The following RBMS3 variants were observed in gnomAD, a reference collection of about 807,000 sequenced individuals.
RBMS3 encodes RNA binding motif single stranded interacting protein 3.
A neutral mutation model predicts 66.8 loss-of-function variants in RBMS3; 27 were observed. That is an observed-to-expected ratio of 0.40 (90% CI 0.30 to 0.56). RBMS3 has a LOEUF of 0.56. RBMS3 is among the 20% of genes least tolerant of loss of function. The pLI is 0.40. For synonymous variants in RBMS3, 188 were observed against 183.0 expected, an observed-to-expected ratio of 1.03 and a Z score of -0.22; for missense variants, 513 against 549.5, an observed-to-expected ratio of 0.93 and a Z score of 0.66.
At chr3:29,882,000 A>C (rs2059747626) in intron 7 of RBMS3, among the ~76,000 whole-genome samples, 1 of 152,172 alleles carries the variant, frequency 6.6e-6, no homozygotes, top group South Asian at 2.1e-4. Context: ...TAAATCTCTC[A>C]TGCACTAATA....
chr3:29,400,549 A>C (rs766653438), intron 1 of RBMS3, among the ~76,000 whole-genome samples: 10 of 152,110 alleles, frequency 6.6e-5, no homozygotes, highest in Non-Finnish European at 1.3e-4. Context: ...TGAATTATTC[A>C]TGTATTAATG....
chr3:29,885,332 A>G (rs969584050), intron 8 of RBMS3, among the ~76,000 whole-genome samples: 10 of 151,954 alleles, frequency 6.6e-5, no homozygotes, highest in African/African-American at 2.2e-4. Context: ...ATATCTTTTC[A>G]TATATCCAAT....
intron 6 of RBMS3, among the ~76,000 whole-genome samples, chr3:29,785,709 G>A (rs560554487): frequency 2.6e-4 from 39 of 151,970 alleles, no homozygotes; most frequent in Non-Finnish European, 5.2e-4. Context: ...AATAAAAGCC[G>A]TCTATGACAA....
At chr3:29,360,408 G>A (rs1021465447) in intron 1 of RBMS3, among the ~76,000 whole-genome samples, 5 of 152,036 alleles carry the variant, frequency 3.3e-5, no homozygotes, top group Non-Finnish European at 7.3e-5. Flanking sequence ...TGTGGTCTGA[G>A]AGACAGTTTG....
In RBMS3 at chr3:29,829,644, A is replaced by C. The variant is rs954634821; in HGVS notation, c.638-39214A>C. On this transcript the variant is annotated intron_variant, in intron 6 of 14. Coordinates refer to ENST00000383767, the MANE Select transcript of RBMS3 (RefSeq NM_001003793.3). ...ACTGTTTTACCCAACCATTGAGCATATACTTTTTAAAATATTTATATTCTG... is the reference window on the plus strand; with the variant it reads ...ACTGTTTTACCCAACCATTGAGCATCTACTTTTTAAAATATTTATATTCTG... Among the ~76,000 whole-genome samples, 12 of 152,298 alleles carry C rather than the reference A, an allele frequency of 7.9e-5. No homozygotes were observed. The East Asian group carries it at 1.4e-3, about 17-fold the overall frequency.
At chr3:29,669,275 A>G (rs2050895218) in intron 4 of RBMS3, among the ~76,000 whole-genome samples, 1 of 152,178 alleles carries the variant, frequency 6.6e-6, no homozygotes, top group Non-Finnish European at 1.5e-5. Context: ...CACTCCCTCA[A>G]TAAATCACAT....
chr3:29,530,134 A>G (rs923166161), intron 3 of RBMS3, among the ~76,000 whole-genome samples: 51 of 152,050 alleles, frequency 3.4e-4, no homozygotes, highest in African/African-American at 1.2e-3. Context: ...TTACCCCAAT[A>G]CTCATCTAAG....
chr3:29,445,612 G>A (rs180912840), intron 2 of RBMS3, among the ~76,000 whole-genome samples: 74 of 151,948 alleles, frequency 4.9e-4, no homozygotes, highest in African/African-American at 1.7e-3. Flanking sequence ...AGAAACTGTT[G>A]GTGAAAAAAC....
At chr3:29,469,021 C>T (rs1012727766) in intron 2 of RBMS3, among the ~76,000 whole-genome samples, 2 of 152,030 alleles carry the variant, frequency 1.3e-5, no homozygotes, top group African/African-American at 4.8e-5. Context: ...AACATTTGTT[C>T]TTTCTAAAAA....
intron 1 of RBMS3, among the ~76,000 whole-genome samples, chr3:29,425,214 A>T (rs866451397): frequency 1.0e-5 from 1 of 98,760 alleles, no homozygotes; most frequent in Non-Finnish European, 2.2e-5. Flanking sequence ...CCCCAAAAAA[A>T]ACAAAAAAAA....
At chr3:29,661,657 A>G (rs1337882917) in intron 4 of RBMS3, among the ~76,000 whole-genome samples, 2 of 151,598 alleles carry the variant, frequency 1.3e-5, no homozygotes, top group Non-Finnish European at 3.0e-5. Flanking sequence ...TCCACTGGTC[A>G]TTTCTCTTTT....
At chr3:29,697,220 A>G (rs2052321165) in intron 4 of RBMS3, 1 of 674,546 alleles carries the variant, frequency 1.5e-6, no homozygotes, top group African/African-American at 2.0e-5. Context: ...ATTGGTTTAT[A>G]TTAAAATTTG....
chr3:29,598,303 T>C (rs776057567), intron 4 of RBMS3, among the ~76,000 whole-genome samples: 6 of 152,056 alleles, frequency 3.9e-5, no homozygotes, highest in Admixed American at 6.6e-5. Context: ...GTACCCAGCT[T>C]CTGGCTTTAT....
chr3:29,587,093 G>T, intron 3 of RBMS3, 21 bp from the exon 4 acceptor site: 1 of 1,578,804 alleles, frequency 6.3e-7, no homozygotes, highest in Non-Finnish European at 8.6e-7. Flanking sequence ...ATATTAACAA[G>T]GGGATTTTGT....
At position 29,519,000 on chromosome 3, in the gene RBMS3, C is replaced by T. The variant is rs571782787; in HGVS notation, c.307+30501C>T. 7.9e-5 allele frequency among the ~76,000 whole-genome samples: 12 copies of T among 152,232 alleles called. No homozygotes were observed. The East Asian group carries it at 1.2e-3, about 15-fold the overall frequency. ...GAACCATTTGAAGGAAAGTAGAATACGCAGAGAGCAAATTCTGCGCTTTGA... is the reference window on the plus strand; with the variant it reads ...GAACCATTTGAAGGAAAGTAGAATATGCAGAGAGCAAATTCTGCGCTTTGA... On this transcript the variant is annotated intron_variant, in intron 3 of 14. Coordinates refer to ENST00000383767, the MANE Select transcript of RBMS3 (RefSeq NM_001003793.3).
At chr3:29,361,549 T>G (rs1184790372) in intron 1 of RBMS3, among the ~76,000 whole-genome samples, 1 of 152,114 alleles carries the variant, frequency 6.6e-6, no homozygotes, top group African/African-American at 2.4e-5. Flanking sequence ...TCTTGAGGAG[T>G]ATCTTTGTGG....
Position 29,434,810 on chromosome 3 carries a change from A to G in RBMS3, c.143A>G (p.Asn48Ser). Residue 48 changes from asparagine to serine, a missense_variant, in exon 2 of 15, where the codon AAC becomes AGC. Asn to Ser is a conservative substitution (Grantham distance 46). Coordinates refer to ENST00000383767, the MANE Select transcript of RBMS3 (RefSeq NM_001003793.3). ...CCCAGCACAAACAGCAGCAGCAACAACAGCAGCAACAACAGCAGCGGGGAA... is the reference window on the plus strand; with the variant it reads ...CCCAGCACAAACAGCAGCAGCAACAGCAGCAGCAACAACAGCAGCGGGGAA... ...PSPSTNSSSN[N>S]SSNNSSGEQL... 3 of 1,613,908 alleles carry G rather than the reference A, an allele frequency of 1.9e-6. No individual in the cohort carries two copies. The highest frequency in any genetic ancestry group is 1.3e-5 in the African/African-American group (1 of 75,032).
intron 3 of RBMS3, among the ~76,000 whole-genome samples, chr3:29,520,290 G>A (rs1308291585): frequency 1.3e-5 from 2 of 152,150 alleles, no homozygotes; most frequent in African/African-American, 4.8e-5. Flanking sequence ...TTGATTGCAT[G>A]TCAAAATAAT....
At chr3:29,593,419 C>T (rs1024708915) in intron 4 of RBMS3, among the ~76,000 whole-genome samples, 10 of 152,148 alleles carry the variant, frequency 6.6e-5, no homozygotes, top group Admixed American at 2.6e-4. Context: ...TCCTGGTAAA[C>T]ATAGAGGCTT....
Sources: allele counts gnomAD v4.1 joint callset (sites outside exome capture counted in the v4.1 genomes callset), GRCh38; gene constraint gnomAD v4.1.1; transcripts MANE v1.5; gene names NCBI Gene and HGNC (gene_info 2026-07-23, HGNC 2026-07-21).